Variants in SPTLC1 observed in about 807,000 individuals in gnomAD.
SPTLC1 encodes the protein serine palmitoyltransferase 1.
In SPTLC1, 55 loss-of-function variants were observed where a neutral mutation model predicts 68.9. That is an observed-to-expected ratio of 0.80 (90% CI 0.64 to 1.00). SPTLC1 has a LOEUF of 1.00. SPTLC1 is among the 50% of genes least tolerant of loss of function. The pLI, the probability that SPTLC1 is intolerant of heterozygous loss-of-function variation, is 0.00. For synonymous variants in SPTLC1, 197 were observed against 201.6 expected, an observed-to-expected ratio of 0.98 and a Z score of 0.19; for missense variants, 449 against 573.1, an observed-to-expected ratio of 0.78 and a Z score of 2.21.
chr9:92,038,318 T>C lies in SPTLC1; in HGVS notation c.1184A>G (p.His395Arg). The change falls in exon 13 of 15, where the codon CAC becomes CGC. Residue 395 changes from histidine to arginine, a missense_variant. His to Arg is a conservative substitution (Grantham distance 29, BLOSUM62 0). Around this residue, in one of 3 missense-constraint regions of SPTLC1, gnomAD observed 391 missense variants for 472.1 expected, o/e 0.83. Transcript: ENST00000262554. ...CCCAGTGCTCTCTTCCAGTTGTAGG[T>C]GAAAGGCTGGAGAAAGGGACTCCCC... ...VVGESLSPAF[H>R]LQLEESTGSR... 6.2e-7 allele frequency: 1 copy of C among 1,614,082 alleles called. No homozygotes were observed. Among genetic ancestry groups the C allele is most frequent in the Non-Finnish European group, 8.5e-7 (1 of 1,179,998 alleles).
At chr9:92,102,562 G>A (rs1447671964) in intron 3 of SPTLC1, among the ~76,000 whole-genome samples, 1 of 152,134 alleles carries the variant, frequency 6.6e-6, no homozygotes, top group Admixed American at 6.5e-5. Flanking sequence ...TAGTATAGCA[G>A]GTTCGTGTGT....
At chr9:92,057,218 G>C (rs1564091757) in intron 7 of SPTLC1, among the ~76,000 whole-genome samples, 1 of 152,200 alleles carries the variant, frequency 6.6e-6, no homozygotes, top group Non-Finnish European at 1.5e-5. Flanking sequence ...GAGACGTTCT[G>C]CCTGTGAGTA....
chr9:92,069,515 C>T (rs1054398294), intron 5 of SPTLC1, among the ~76,000 whole-genome samples: 2 of 152,220 alleles, frequency 1.3e-5, no homozygotes, highest in African/African-American at 4.8e-5. Context: ...ACTACGATCA[C>T]ATGAAATCCA....
chr9:92,058,901 T>C (rs1051402150), intron 7 of SPTLC1, among the ~76,000 whole-genome samples: 2 of 152,222 alleles, frequency 1.3e-5, no homozygotes, highest in African/African-American at 4.8e-5. Flanking sequence ...GACATCTCCC[T>C]GCCTCACTAA....
chr9:92,093,527 C>T (rs2118753775), intron 3 of SPTLC1, among the ~76,000 whole-genome samples: 1 of 152,142 alleles, frequency 6.6e-6, no homozygotes, highest in East Asian at 1.9e-4. Context: ...GATATGATCA[C>T]CTTACATAAA....
At position 92,080,882 on chromosome 9, in the gene SPTLC1, G is replaced by A. The variant is rs752029386; in HGVS notation, c.342C>T (p.Asn114=). Residue 114 remains asparagine, a synonymous_variant, in exon 4 of 15, where the codon AAC becomes AAT. Transcript: ENST00000262554. ...ATGTGCTACTCACCTTAACCCTAGG[G>A]TTATCCAACAATCCAAGAAAATTAA... ...ASFNFLGLLD[N]PRVKAAALAS... The A allele has an allele frequency of 1.2e-6, 2 of 1,612,778 alleles. No individual in the cohort carries two copies. Among genetic ancestry groups the A allele is most frequent in the South Asian group, 2.2e-5 (2 of 91,058 alleles).
intron 3 of SPTLC1, among the ~76,000 whole-genome samples, chr9:92,098,386 C>T (rs146525477): frequency 6.6e-6 from 1 of 152,114 alleles, no homozygotes; most frequent in East Asian, 1.9e-4. Flanking sequence ...CCTCCCCCTG[C>T]GGACCAGTGA....
chr9:92,103,902 A>AGCCCCACAGGGGGGCCCATCCAGGG (rs1488697321), intron 3 of SPTLC1, among the ~76,000 whole-genome samples: 5 of 152,176 alleles, frequency 3.3e-5, no homozygotes, highest in African/African-American at 1.2e-4. Context: ...CACCCCCAAC[A>AGCCCCACAGGGGGGCCCATCCAGGG]GCCCCACAGG....
At chr9:92,060,475 A>G (rs1369885512) in intron 6 of SPTLC1, among the ~76,000 whole-genome samples, 1 of 152,244 alleles carries the variant, frequency 6.6e-6, no homozygotes, top group Non-Finnish European at 1.5e-5. Flanking sequence ...CAGTGATGAA[A>G]TGGAAGATAC....
chr9:92,100,414 A>G (rs984363961), intron 3 of SPTLC1, among the ~76,000 whole-genome samples: 2 of 152,212 alleles, frequency 1.3e-5, no homozygotes, highest in Admixed American at 1.3e-4. Context: ...CCCTGTCATT[A>G]CAACAGCCTT....
chr9:92,107,502 C>T lies in SPTLC1; in HGVS notation c.260+1238G>A, dbSNP rs536052655. ...GTGCGGCGGCTCACGCCTGTAATCC[C>T]AGCACTTTGGGAGGCCGAGGCCGGC... On this transcript the variant is annotated intron_variant, in intron 3 of 14. Coordinates refer to ENST00000262554, the MANE Select transcript of SPTLC1 (RefSeq NM_006415.4). Among the ~76,000 whole-genome samples, 4 of 152,332 alleles carry T rather than the reference C, an allele frequency of 2.6e-5. No homozygotes were observed. In the East Asian group the frequency reaches 7.7e-4, roughly 29 times the overall value.
At chr9:92,040,712 C>G (rs144424085) in intron 12 of SPTLC1, among the ~76,000 whole-genome samples, 1 of 150,774 alleles carries the variant, frequency 6.6e-6, no homozygotes, top group African/African-American at 2.4e-5. Flanking sequence ...GAGCTGAGAT[C>G]GCGCCACTGT....
chr9:92,094,431 T>C (rs1197143585), intron 3 of SPTLC1, among the ~76,000 whole-genome samples: 2 of 152,346 alleles, frequency 1.3e-5, no homozygotes, highest in South Asian at 2.1e-4. Context: ...TTTGTACTTA[T>C]GAAAAGGAAA....
chr9:92,058,792 A>G (rs1485857030), intron 7 of SPTLC1, among the ~76,000 whole-genome samples: 3 of 152,204 alleles, frequency 2.0e-5, no homozygotes, highest in Non-Finnish European at 4.4e-5. Flanking sequence ...TAATTGATAC[A>G]TGATTTATTC....
intron 3 of SPTLC1, among the ~76,000 whole-genome samples, chr9:92,083,548 T>A (rs1834983173): frequency 6.6e-6 from 1 of 152,230 alleles, no homozygotes; most frequent in Non-Finnish European, 1.5e-5. Flanking sequence ...ATCAGATAGT[T>A]GTAGATATGT....
chr9:92,097,228 G>T (rs182030949), intron 3 of SPTLC1, among the ~76,000 whole-genome samples: 2 of 152,284 alleles, frequency 1.3e-5, no homozygotes, highest in East Asian at 3.9e-4. Flanking sequence ...AATATAAAAT[G>T]ATGCAACCAC....
At chr9:92,082,015 T>A (rs1315191928) in intron 3 of SPTLC1, among the ~76,000 whole-genome samples, 1 of 152,064 alleles carries the variant, frequency 6.6e-6, no homozygotes, top group African/African-American at 2.4e-5. Flanking sequence ...AAACCATGGG[T>A]TATAGAGTCT....
chr9:92,083,357 G>A (rs1027269271), intron 3 of SPTLC1, among the ~76,000 whole-genome samples: 19 of 151,874 alleles, frequency 1.3e-4, no homozygotes, highest in African/African-American at 4.4e-4. Flanking sequence ...TTTCTTCTAG[G>A]GTTTTTATGG....
chr9:92,096,139 G>GTAAGTAAAA (rs1835520717), intron 3 of SPTLC1, among the ~76,000 whole-genome samples: 1 of 152,168 alleles, frequency 6.6e-6, no homozygotes. Context: ...CTTTTTACCT[G>GTAAGTAAAA]CAAAGTAATA....
Sources: gnomAD v4.1 joint callset for allele counts (sites outside exome capture counted in the v4.1 genomes callset) on GRCh38, gnomAD v4.1.1 for gene constraint, gnomAD v4.1.1 regional missense constraint, MANE v1.5 for transcripts, NCBI Gene and HGNC (gene_info 2026-07-23, HGNC 2026-07-21) for gene names.